The following CAMTA1 variants were observed in gnomAD, a reference collection of about 807,000 sequenced individuals.
The protein encoded by CAMTA1 is calmodulin binding transcription activator 1.
A neutral mutation model predicts 170.9 loss-of-function variants in CAMTA1; 27 were observed. That is an observed-to-expected ratio of 0.16 (90% CI 0.12 to 0.22). The LOEUF is 0.22. CAMTA1 is among the 10% of genes least tolerant of loss of function. The pLI, the probability that CAMTA1 is intolerant of heterozygous loss-of-function variation, is 1.00. For synonymous variants in CAMTA1, 833 were observed against 891.5 expected (o/e 0.93, Z 1.17); for missense variants, 1,619 against 2,217.2 (o/e 0.73, Z 5.42).
intron 3 of CAMTA1, among the ~76,000 whole-genome samples, chr1:6,846,171 C>A (rs1337858800): frequency 6.6e-6 from 1 of 152,166 alleles, no homozygotes; most frequent in Non-Finnish European, 1.5e-5. Flanking sequence ...ACAGCCAAAC[C>A]ATATAAGATA....
At chr1:7,539,023 C>T (rs1195994510) in intron 6 of CAMTA1, among the ~76,000 whole-genome samples, 2 of 152,220 alleles carry the variant, frequency 1.3e-5, no homozygotes, top group East Asian at 1.9e-4. Context: ...GAGTTCCCCT[C>T]GGAGATCACA....
chr1:7,549,463 C>G (rs1162763277), intron 6 of CAMTA1, among the ~76,000 whole-genome samples: 1 of 152,158 alleles, frequency 6.6e-6, no homozygotes, highest in African/African-American at 2.4e-5. Flanking sequence ...CCCACAGAAC[C>G]TGTGCTTGGC....
At chr1:7,290,692 T>C (rs1673004207) in intron 5 of CAMTA1, among the ~76,000 whole-genome samples, 1 of 152,200 alleles carries the variant, frequency 6.6e-6, no homozygotes, top group Admixed American at 6.5e-5. Flanking sequence ...CGTAAATTAT[T>C]CTCATTTTAT....
intron 6 of CAMTA1, among the ~76,000 whole-genome samples, chr1:7,574,566 G>A (rs1031198302): frequency 1.1e-4 from 16 of 152,286 alleles, no homozygotes; most frequent in Non-Finnish European, 4.4e-5. Context: ...CGATCAATAT[G>A]CCTCTATTTT....
chr1:6,846,764 T>A (rs1351350176), intron 3 of CAMTA1, among the ~76,000 whole-genome samples: 4 of 152,126 alleles, frequency 2.6e-5, no homozygotes, highest in Non-Finnish European at 5.9e-5. Flanking sequence ...GAAGACCTAG[T>A]TGGGAAGAGG....
intron 6 of CAMTA1, among the ~76,000 whole-genome samples, chr1:7,586,172 C>T (rs2150435765): frequency 1.3e-5 from 2 of 152,224 alleles, no homozygotes; most frequent in Middle Eastern, 6.8e-3. Flanking sequence ...TCCCTCAGGG[C>T]CCCGGGCACC....
intron 3 of CAMTA1, among the ~76,000 whole-genome samples, chr1:6,878,911 A>T (rs1400979625): frequency 2.0e-5 from 3 of 152,220 alleles, no homozygotes; most frequent in African/African-American, 7.2e-5. Context: ...AGTTGATACA[A>T]GTATGTTTTT....
At chr1:6,905,035 T>A (rs955233438) in intron 3 of CAMTA1, among the ~76,000 whole-genome samples, 1 of 152,120 alleles carries the variant, frequency 6.6e-6, no homozygotes, top group Admixed American at 6.5e-5. Context: ...TGGGGTCCGC[T>A]CTGTTGCTGT....
At chr1:6,785,745 C>A (rs1011288352) in intron 1 of CAMTA1, among the ~76,000 whole-genome samples, 170 bp downstream of exon 1, 1 of 120,106 alleles carries the variant, frequency 8.3e-6, no homozygotes, top group African/African-American at 3.0e-5. Context: ...GGGCGGAGCG[C>A]GGCCGAGTCC....
intron 5 of CAMTA1, among the ~76,000 whole-genome samples, chr1:7,428,309 G>C (rs910297833): frequency 6.6e-6 from 1 of 152,092 alleles, no homozygotes; most frequent in Non-Finnish European, 1.5e-5. Flanking sequence ...ACCTAGACCA[G>C]TGCCCAGGGT....
chr1:7,749,854 C>T, intron 19 of CAMTA1: 1 of 454,202 alleles, frequency 2.2e-6, no homozygotes. Flanking sequence ...TCACACCCAT[C>T]ACCAGCTACA....
chr1:6,809,501 C>T (rs1268048266), intron 1 of CAMTA1, among the ~76,000 whole-genome samples: 1 of 151,998 alleles, frequency 6.6e-6, no homozygotes, highest in African/African-American at 2.4e-5. Context: ...TAGAGGTCAG[C>T]CCCCTGGGCT....
At chr1:7,338,605 A>T (rs529213804) in intron 5 of CAMTA1, among the ~76,000 whole-genome samples, 100 of 152,338 alleles carry the variant, frequency 6.6e-4, no homozygotes, top group Non-Finnish European at 9.4e-4. Flanking sequence ...TGGAGTGCAC[A>T]TGGGAAAGGC....
At chr1:7,530,928 C>G (rs1363958525) in intron 6 of CAMTA1, among the ~76,000 whole-genome samples, 1 of 150,438 alleles carries the variant, frequency 6.6e-6, no homozygotes, top group Non-Finnish European at 1.5e-5. Context: ...AATTCTCCTG[C>G]CTCAGCCTCC....
intron 16 of CAMTA1, among the ~76,000 whole-genome samples, chr1:7,743,795 C>T (rs2096835592): frequency 6.6e-6 from 1 of 151,796 alleles, no homozygotes; most frequent in Non-Finnish European, 1.5e-5. Context: ...TATCTTAATC[C>T]AGACCAGCTT....
At chr1:7,079,433 CA>C (rs1452555152) in intron 3 of CAMTA1, among the ~76,000 whole-genome samples, 1 of 152,148 alleles carries the variant, frequency 6.6e-6, no homozygotes, top group African/African-American at 2.4e-5. Context: ...CAGAATGGCA[CA>C]CACAGTATGA....
intron 3 of CAMTA1, among the ~76,000 whole-genome samples, chr1:6,847,788 C>T (rs1279405940): frequency 6.6e-6 from 1 of 151,684 alleles, no homozygotes; most frequent in Non-Finnish European, 1.5e-5. Context: ...ACTGCAACCT[C>T]CGTCTCCCGG....
chr1:7,365,405 A>T (rs1017763878), intron 5 of CAMTA1, among the ~76,000 whole-genome samples: 2 of 152,252 alleles, frequency 1.3e-5, no homozygotes, highest in Admixed American at 1.3e-4. Flanking sequence ...ATTACTGGAA[A>T]GGAATTCCTC....
chr1:7,026,470 GGCTCCCC>G, intron 3 of CAMTA1, among the ~76,000 whole-genome samples: 1 of 152,240 alleles, frequency 6.6e-6, no homozygotes, highest in Middle Eastern at 3.4e-3. Flanking sequence ...TGCTACCTGT[GGCTCCCC>G]TTGCCAGAAT....
Sources: gnomAD v4.1 joint callset for allele counts (sites outside exome capture counted in the v4.1 genomes callset) on GRCh38, gnomAD v4.1.1 for gene constraint, MANE v1.5 for transcripts, NCBI Gene and HGNC (gene_info 2026-07-23, HGNC 2026-07-21) for gene names.